The following GATB variants were observed in gnomAD, a reference collection of about 807,000 sequenced individuals.
GATB encodes glutamyl-tRNA(Gln) amidotransferase subunit B, mitochondrial.
A neutral mutation model predicts 62.3 loss-of-function variants in GATB; 39 were observed. The observed-to-expected ratio is 0.63, with a 90% confidence interval of 0.48 to 0.82. The LOEUF is 0.82. GATB is among the 40% of genes least tolerant of loss of function. The probability of loss-of-function intolerance (pLI) is 0.00; values close to 1 mark genes in which losing one functional copy is unlikely to be tolerated. For missense variants in GATB, 670 were observed against 684.0 expected (o/e 0.98, Z 0.23); for synonymous variants, 276 against 258.9 (o/e 1.07, Z -0.63).
intron 9 of GATB, among the ~76,000 whole-genome samples, chr4:151,689,659 C>G (rs967934957): frequency 2.6e-5 from 4 of 151,962 alleles, no homozygotes; most frequent in African/African-American, 9.7e-5. Flanking sequence ...TGGCAAGAAC[C>G]GCAATTACTT....
intron 9 of GATB, among the ~76,000 whole-genome samples, chr4:151,697,253 G>A (rs1212991766): frequency 6.6e-6 from 1 of 151,926 alleles, no homozygotes; most frequent in African/African-American, 2.4e-5. Context: ...ATGGATGACT[G>A]GATAAAGAAG....
rs550653785 is a variant in GATB at position 151,731,713 on chromosome 4, G to A, written c.328-12175C>T. ...GCCCATCGTCTGAGATGTGGGGAGC[G>A]CCTCTGCCCCGCTGCCCCGTCTGGG... On this transcript the variant is annotated intron_variant, in intron 2 of 12. Transcript: ENST00000263985. 2.5e-3 allele frequency among the ~76,000 whole-genome samples: 380 copies of A among 150,410 alleles called. 1 individual carries two copies. Among genetic ancestry groups the A allele is most frequent in the African/African-American group, 8.9e-3 (364 of 40,774 alleles).
chr4:151,688,890 C>A, intron 9 of GATB, 127 bp from the exon 10 acceptor site: 1 of 801,416 alleles, frequency 1.2e-6, no homozygotes, highest in East Asian at 2.6e-5. Context: ...TTGCTAAACC[C>A]TGAGATGTCA....
chr4:151,735,924 A>G (rs1253382515), intron 2 of GATB, among the ~76,000 whole-genome samples: 1 of 151,790 alleles, frequency 6.6e-6, no homozygotes, highest in African/African-American at 2.4e-5. Context: ...TGCAGTCTAT[A>G]CTGCTCGGGT....
At chr4:151,681,660 C>T (rs776264225) in intron 10 of GATB, among the ~76,000 whole-genome samples, 1 of 152,168 alleles carries the variant, frequency 6.6e-6, no homozygotes, top group East Asian at 1.9e-4. Context: ...CGATGATTGC[C>T]TTGGTCTGTT....
chr4:151,706,058 C>G (rs919028499), intron 6 of GATB, among the ~76,000 whole-genome samples: 1 of 152,176 alleles, frequency 6.6e-6, no homozygotes, highest in Non-Finnish European at 1.5e-5. Flanking sequence ...AAACCTAAAC[C>G]CTTTTATCTG....
chr4:151,707,408 C>A (rs1009936241), intron 6 of GATB, among the ~76,000 whole-genome samples: 1 of 152,186 alleles, frequency 6.6e-6, no homozygotes, highest in Non-Finnish European at 1.5e-5. Flanking sequence ...ATCCTCCCAC[C>A]TCAGCCTCTT....
chr4:151,703,580 T>C (rs1738649514), intron 8 of GATB: 1 of 506,262 alleles, frequency 2.0e-6, no homozygotes, highest in East Asian at 3.6e-5. Context: ...AGCTCAACTA[T>C]GACAACTTTG....
At chr4:151,727,748 G>GAA (rs1560858549) in intron 2 of GATB, among the ~76,000 whole-genome samples, 1 of 152,150 alleles carries the variant, frequency 6.6e-6, no homozygotes, top group African/African-American at 2.4e-5. Flanking sequence ...GTTTAGGGAA[G>GAA]AATAGTTATT....
chr4:151,749,997 TCAG>T (rs761708060), intron 2 of GATB, among the ~76,000 whole-genome samples: 2 of 152,148 alleles, frequency 1.3e-5, no homozygotes, highest in Non-Finnish European at 2.9e-5. Flanking sequence ...TTCTCCTGCC[TCAG>T]CCTCCCGAGT....
chr4:151,752,609 T>C (rs1185637685), intron 2 of GATB, among the ~76,000 whole-genome samples: 1 of 152,188 alleles, frequency 6.6e-6, no homozygotes, highest in Non-Finnish European at 1.5e-5. Context: ...ATCCTGTTTG[T>C]TCATTTTTTA....
intron 11 of GATB, among the ~76,000 whole-genome samples, 195 bp downstream of exon 11, chr4:151,679,618 C>A (rs1193919227): frequency 6.6e-6 from 1 of 152,208 alleles, no homozygotes; most frequent in African/African-American, 2.4e-5. Context: ...TGACGAGAAG[C>A]AAACTGCCTG....
intron 5 of GATB, among the ~76,000 whole-genome samples, chr4:151,712,744 G>C (rs1738842959): frequency 6.6e-6 from 1 of 152,202 alleles, no homozygotes; most frequent in Admixed American, 6.5e-5. Context: ...CTGTTAATAA[G>C]AGCACCGAAC....
chr4:151,692,121 C>T (rs1053673435), intron 9 of GATB, among the ~76,000 whole-genome samples: 1 of 152,200 alleles, frequency 6.6e-6, no homozygotes, highest in Non-Finnish European at 1.5e-5. Flanking sequence ...ACTCTCTCCA[C>T]ATTACCTCAA....
In GATB at chr4:151,717,040, A is replaced by G. The variant is rs746675087; in HGVS notation, c.476T>C (p.Ile159Thr). 1 of 1,614,126 alleles carries G rather than the reference A, an allele frequency of 6.2e-7. No individual in the cohort carries two copies. The highest frequency in any genetic ancestry group is 1.7e-5 in the Admixed American group (1 of 60,016). Residue 159 changes from isoleucine (I) to threonine (T), a missense_variant, in exon 4 of 13, where the codon ATT (isoleucine) becomes ACT (threonine). Ile to Thr is a moderately conservative substitution (Grantham distance 89). Coordinates refer to ENST00000263985, the MANE Select transcript of GATB (RefSeq NM_004564.3). The stretch of plus-strand genomic sequence containing the variant: ...ATATATCAAGCTCCCATTCACAGCA[A>G]TTGGGAGCCTCTGCTGGGTAATTTG... ...GYQITQQRLP[I>T]AVNGSLIYGV... is the part of the protein sequence containing the mutation.
chr4:151,691,147 A>G (rs1479816650), intron 9 of GATB, among the ~76,000 whole-genome samples: 1 of 152,238 alleles, frequency 6.6e-6, no homozygotes, highest in Non-Finnish European at 1.5e-5. Context: ...ATTCCCTTAC[A>G]TAAAAATCAT....
intron 2 of GATB, among the ~76,000 whole-genome samples, chr4:151,726,518 A>T (rs1560858052): frequency 6.6e-6 from 1 of 152,242 alleles, no homozygotes; most frequent in Non-Finnish European, 1.5e-5. Flanking sequence ...TATGTTCTTT[A>T]TCCTTAAGCA....
intron 1 of GATB, among the ~76,000 whole-genome samples, chr4:151,759,879 A>G (rs886904174): frequency 6.6e-6 from 1 of 152,200 alleles, no homozygotes; most frequent in Non-Finnish European, 1.5e-5. Flanking sequence ...TACTGCAAGA[A>G]TAAGTCCTTC....
chr4:151,732,969 A>C (rs1739299196), intron 2 of GATB, among the ~76,000 whole-genome samples: 1 of 152,044 alleles, frequency 6.6e-6, no homozygotes, highest in South Asian at 2.1e-4. Context: ...ACAGCTAAGA[A>C]GGTGTTAGGA....
Sources: gnomAD v4.1 joint callset for allele counts (sites outside exome capture counted in the v4.1 genomes callset) on GRCh38, gnomAD v4.1.1 for gene constraint, MANE v1.5 for transcripts, NCBI Gene and HGNC (gene_info 2026-07-23, HGNC 2026-07-21) for gene names.